The following ANKLE2 variants were observed in gnomAD, a reference collection of about 807,000 sequenced individuals.
ANKLE2 encodes the protein ankyrin repeat and LEM domain-containing protein 2.
ANKLE2 carries 55 observed loss-of-function variants against 84.2 expected under a neutral mutation model. The observed-to-expected ratio is 0.65, with a 90% CI of 0.53 to 0.82. The LOEUF is 0.82. ANKLE2 is among the 40% of genes least tolerant of loss of function. The pLI is 0.00. For synonymous variants in ANKLE2, 551 were observed against 486.1 expected, an observed-to-expected ratio of 1.13 and a Z score of -1.76; for missense variants, 1,238 against 1,201.9, an observed-to-expected ratio of 1.03 and a Z score of -0.44.
At chr12:132,741,313 AC>A in intron 7 of ANKLE2, 105 bp downstream of exon 7, 1 of 1,118,744 alleles carries the variant, frequency 8.9e-7, no homozygotes, top group Non-Finnish European at 1.3e-6. Context: ...GGGAGCCGGC[AC>A]ACGCCCGGGG....
At chr12:132,761,535 C>T in intron 1 of ANKLE2, 83 bp downstream of exon 1, 4 of 1,110,666 alleles carry the variant, frequency 3.6e-6, no homozygotes, top group Non-Finnish European at 4.5e-6. Context: ...TCCAGGGGCG[C>T]GGCCGGGACC....
intron 5 of ANKLE2, among the ~76,000 whole-genome samples, chr12:132,746,328 G>A (rs1249120117): frequency 3.1e-5 from 4 of 128,170 alleles, no homozygotes; most frequent in African/African-American, 1.2e-4. Flanking sequence ...CCACCTGGGA[G>A]ACAGAGCAAG....
Position 132,755,014 on chromosome 12 carries a change from T to C in ANKLE2, c.301A>G (p.Ile101Val). Residue 101 changes from isoleucine (I) to valine (V), a missense_variant, in exon 2 of 13, where the codon ATT becomes GTT. Physicochemically the swap from Ile to Val is conservative, Grantham distance 29. Around this residue, in one of 3 missense-constraint regions of ANKLE2, gnomAD observed 422 missense variants for 394.5 expected, o/e 1.07. Coordinates refer to ENST00000357997, the MANE Select transcript of ANKLE2 (RefSeq NM_015114.3). The stretch of plus-strand genomic sequence containing the variant: ...GCCTGAGCCAATTTTTTCTCAAAAA[T>C]GAACCTTGTAGTTGATGTAATGGGT... ...CGPITSTTRF[I>V]FEKKLAQALL... 6.2e-7 allele frequency: 1 copy of C among 1,614,196 alleles called. No homozygotes were observed. Among genetic ancestry groups the C allele is most frequent in the Non-Finnish European group, 8.5e-7 (1 of 1,180,038 alleles).
intron 5 of ANKLE2, among the ~76,000 whole-genome samples, chr12:132,746,346 C>T (rs2044238276): frequency 1.0e-5 from 1 of 95,256 alleles, no homozygotes; most frequent in African/African-American, 4.4e-5. Flanking sequence ...AAGACTCTGT[C>T]TCAAAAAAAA....
chr12:132,755,336 G>A (rs549881242), intron 1 of ANKLE2: 32 of 505,280 alleles, frequency 6.3e-5, no homozygotes, highest in South Asian at 2.5e-5. Context: ...CTGAGGTCAG[G>A]AGTTCGAGAC....
At chr12:132,759,879 A>G (rs2061862588) in intron 1 of ANKLE2, 1 of 152,240 alleles carries the variant, frequency 6.6e-6, no homozygotes, top group African/African-American at 2.4e-5. Context: ...CACACCTGTA[A>G]TCCCAGCATT....
At position 132,737,010 on chromosome 12, in the gene ANKLE2, C is replaced by T. The variant is rs188167643; in HGVS notation, c.1476G>A (p.Gly492=). 32 of 1,613,130 alleles carry T rather than the reference C, an allele frequency of 2.0e-5. No homozygotes were observed. In the Middle Eastern group the frequency reaches 8.3e-4, roughly 42 times the overall value. Residue 492 remains glycine (G), a synonymous_variant, in exon 8 of 13, where the codon GGG becomes GGA. Transcript: ENST00000357997. The part of the protein sequence containing the change: ...RAEETSSPVI[G]ELWSPDQTAE... ...CCGTCTGGTCTGGGGACCACAGCTC[C>T]CCGATGACTGGAGAAGAAGTCTCTT...
At chr12:132,735,652 G>C (rs918200835) in intron 8 of ANKLE2, 140 bp from the exon 9 acceptor site, 12 of 670,180 alleles carry the variant, frequency 1.8e-5, no homozygotes, top group Middle Eastern at 4.2e-4. Context: ...CAGATCCCTG[G>C]GCCACGTGCC....
chr12:132,750,768 G>A lies in ANKLE2; in HGVS notation c.722C>T (p.Ser241Phe), dbSNP rs1476413786. The A allele has an allele frequency of 8.1e-6, 13 of 1,614,220 alleles. No individual in the cohort carries two copies. Among genetic ancestry groups the A allele is most frequent in the Non-Finnish European group, 1.1e-5 (13 of 1,180,050 alleles). Residue 241 changes from serine to phenylalanine, a missense_variant, in exon 3 of 13, where the codon TCT becomes TTT. Coordinates refer to ENST00000357997, the MANE Select transcript of ANKLE2 (RefSeq NM_015114.3). ...MIKGSRFKAFSTREDAEKFAR... is the reference protein window; with the variant it reads ...MIKGSRFKAFFTREDAEKFAR... ...AAATTTCTCAGCGTCTTCTCTGGTAGAAAAAGCTTTAAATCGGGACCCTTT... is the reference window on the plus strand; with the variant it reads ...AAATTTCTCAGCGTCTTCTCTGGTAAAAAAAGCTTTAAATCGGGACCCTTT...
intron 3 of ANKLE2, 65 bp from the exon 4 acceptor site, chr12:132,748,396 C>T (rs767363649): frequency 8.3e-6 from 13 of 1,568,726 alleles, no homozygotes; most frequent in Non-Finnish European, 1.0e-5. Context: ...CACCCATGCA[C>T]CCTCTGATGA....
At chr12:132,742,783 C>CATCTT (rs375631342) in intron 6 of ANKLE2, among the ~76,000 whole-genome samples, 51 of 137,430 alleles carry the variant, frequency 3.7e-4, no homozygotes, top group South Asian at 7.1e-4. Flanking sequence ...ATCCTCACTA[C>CATCTT]CACCATCATC....
chr12:132,748,460 G>A, intron 3 of ANKLE2, 129 bp from the exon 4 acceptor site: 4 of 1,012,244 alleles, frequency 4.0e-6, no homozygotes, highest in African/African-American at 1.6e-5. Flanking sequence ...GCACAGGTGA[G>A]AAAAGACGAG....
At position 132,726,844 on chromosome 12, in the gene ANKLE2, G is replaced by A. The variant is rs921713682; in HGVS notation, c.*398C>T. 5.8e-5 allele frequency: 10 copies of A among 172,258 alleles called. No homozygotes were observed. The highest frequency in any genetic ancestry group is 1.2e-4 in the Admixed American group (2 of 16,862). 10.7% of individuals were successfully genotyped at this position (172,258 alleles called of 1,614,324 possible). A position where few individuals can be genotyped will look rare whatever the true frequency, so the allele number is the denominator to read the frequency against. Reference sequence around the variant, plus strand: ...GAGTGCAGGTTATCAAAGGGACATCGGTGCTCACGCCTCCGCCAAGCCCCT... The same window carrying A: ...GAGTGCAGGTTATCAAAGGGACATCAGTGCTCACGCCTCCGCCAAGCCCCT... On this transcript the variant is annotated 3_prime_UTR_variant, in exon 13 of 13. Transcript: ENST00000357997.
At chr12:132,735,997 G>A (rs1490701406) in intron 8 of ANKLE2, among the ~76,000 whole-genome samples, 5 of 152,160 alleles carry the variant, frequency 3.3e-5, no homozygotes, top group African/African-American at 1.2e-4. Context: ...TGTCGCCCAG[G>A]CTGGAGTGCA....
Position 132,725,777 on chromosome 12 carries a change from CTTTT to C in ANKLE2, c.*1461_*1464del. The C allele has an allele frequency of 6.6e-6, 1 of 152,324 alleles. No individual in the cohort carries two copies. The highest frequency in any genetic ancestry group is 6.5e-5 in the Admixed American group (1 of 15,302). 9.4% of individuals were successfully genotyped at this position (152,324 alleles called of 1,614,324 possible). A position where few individuals can be genotyped will look rare whatever the true frequency, so the allele number is the denominator to read the frequency against. ...ACTACGAATATCCATATTCTGATTT[CTTTT>C]GAGAACCAAGGTGCCTTTTAAAATG... On this transcript the variant is annotated 3_prime_UTR_variant, in exon 13 of 13. Transcript: ENST00000357997.
chr12:132,750,671 A>G lies in ANKLE2; in HGVS notation c.819T>C (p.Ala273=). 3 of 1,614,232 alleles carry G rather than the reference A, an allele frequency of 1.9e-6. No homozygotes were observed. Among genetic ancestry groups the G allele is most frequent in the African/African-American group, 1.3e-5 (1 of 75,058 alleles). ...TCAACCTGTCATTGCTAAAGAGTGG[A>G]GCTGTTTTCACAGGAGACAGTGGTA... ...TSLPLSPVKT[A]PLFSNDRLKD... is the part of the protein sequence containing the mutation. Residue 273 remains alanine (A), a synonymous_variant, in exon 3 of 13, where the codon GCT becomes GCC. Coordinates refer to ENST00000357997, the MANE Select transcript of ANKLE2 (RefSeq NM_015114.3).
Position 132,761,656 on chromosome 12 carries a change from G to A in ANKLE2, c.143C>T (p.Pro48Leu). ...RPGGLGRSGTPVPPPSAAAAP... is the reference protein window; with the variant it reads ...RPGGLGRSGTLVPPPSAAAAP... ...GGCGGCCGCGCTTGGCGGAGGAACT[G>A]GGGTCCCGCTGCGGCCCAGACCTCC... Residue 48 changes from proline (P) to leucine (L), a missense_variant, in exon 1 of 13, where the codon CCA becomes CTA. Transcript: ENST00000357997. 1.5e-6 allele frequency: 2 copies of A among 1,291,318 alleles called. No homozygotes were observed. The highest frequency in any genetic ancestry group is 2.3e-5 in the South Asian group (1 of 44,154). 80.0% of individuals were successfully genotyped at this position (1,291,318 alleles called of 1,614,324 possible). A position where few individuals can be genotyped will look rare whatever the true frequency, so the allele number is the denominator to read the frequency against.
At chr12:132,741,111 CGA>C (rs1275251270) in intron 7 of ANKLE2, among the ~76,000 whole-genome samples, 1 of 152,120 alleles carries the variant, frequency 6.6e-6, no homozygotes, top group African/African-American at 2.4e-5. Flanking sequence ...GAAGCTACTG[CGA>C]GAGAGACCGA....
intron 8 of ANKLE2, 23 bp downstream of exon 8, chr12:132,736,870 C>T (rs2044019736): frequency 8.2e-6 from 13 of 1,581,434 alleles, no homozygotes; most frequent in Admixed American, 1.8e-5. Flanking sequence ...GCACCACTTC[C>T]AGAAGCTTCT....
Sources: gnomAD v4.1 joint callset for allele counts (sites outside exome capture counted in the v4.1 genomes callset) on GRCh38, gnomAD v4.1.1 for gene constraint, gnomAD v4.1.1 regional missense constraint, MANE v1.5 for transcripts, NCBI Gene and HGNC (gene_info 2026-07-23, HGNC 2026-07-21) for gene names.